The following MAPK14 variants were observed in gnomAD, a reference collection of about 807,000 sequenced individuals.
MAPK14 encodes CSAID-binding protein.
In MAPK14, 16 loss-of-function variants were observed where a neutral mutation model predicts 49.6. The observed-to-expected ratio is 0.32, with a 90% CI of 0.22 to 0.49. MAPK14 has a LOEUF of 0.49. MAPK14 is among the 20% of genes least tolerant of loss of function. The probability of loss-of-function intolerance (pLI) is 0.99; values close to 1 mark genes in which losing one functional copy is unlikely to be tolerated. For missense variants in MAPK14, 200 were observed against 441.2 expected, an observed-to-expected ratio of 0.45 and a Z score of 4.90; for synonymous variants, 142 against 158.0, an observed-to-expected ratio of 0.90 and a Z score of 0.76.
chr6:36,107,709 A>T lies in MAPK14; in HGVS notation c.1015+81A>T. 1 of 1,048,262 alleles carries T rather than the reference A, an allele frequency of 9.5e-7. No individual in the cohort carries two copies. The highest frequency in any genetic ancestry group is 2.1e-5 in the South Asian group (1 of 47,080). The allele number at this position is 1,048,262 out of a possible 1,614,324, so 64.9% of individuals were successfully genotyped here. On this transcript the variant is annotated intron_variant, in intron 11 of 11. Transcript: ENST00000229794. This position sits in a 1 kb window ranked among gnomAD's most constrained non-coding sequence, Gnocchi z 4.3. ...AAATAAAAACTGAATGGTCATAACC[A>T]ACTTGCTAAAGCTTGTAGATGAGGT...
At chr6:36,033,398 C>T (rs1305343881) in intron 1 of MAPK14, among the ~76,000 whole-genome samples, 1 of 151,754 alleles carries the variant, frequency 6.6e-6, no homozygotes, top group Non-Finnish European at 1.5e-5. Flanking sequence ...CTCACGGCAG[C>T]CTCTGCCTCC....
chr6:36,032,421 A>T (rs1309218837), intron 1 of MAPK14, among the ~76,000 whole-genome samples: 1 of 152,206 alleles, frequency 6.6e-6, no homozygotes, highest in Non-Finnish European at 1.5e-5. Flanking sequence ...GTTTAAGAAT[A>T]CATTGTTGCA....
Position 36,107,676 on chromosome 6 carries a change from G to T in MAPK14, c.1015+48G>T. 1.4e-6 allele frequency: 2 copies of T among 1,400,830 alleles called. No individual in the cohort carries two copies. Among genetic ancestry groups the T allele is most frequent in the Non-Finnish European group, 1.9e-6 (2 of 1,050,512 alleles). 86.8% of individuals were successfully genotyped at this position (1,400,830 alleles called of 1,614,324 possible). On this transcript the variant is annotated intron_variant, in intron 11 of 11. Transcript: ENST00000229794. This position sits in a 1 kb window ranked among gnomAD's most constrained non-coding sequence, Gnocchi z 4.3. ...ACATCTTGAACCACTAACCAAAAGCGGTGGGAAAAATAAAAACTGAATGGT... is the reference window on the plus strand; with the variant it reads ...ACATCTTGAACCACTAACCAAAAGCTGTGGGAAAAATAAAAACTGAATGGT...
At chr6:36,031,552 G>A (rs1416419510) in intron 1 of MAPK14, among the ~76,000 whole-genome samples, 1 of 151,618 alleles carries the variant, frequency 6.6e-6, no homozygotes, top group Non-Finnish European at 1.5e-5. Flanking sequence ...ATACAAGTGC[G>A]CAACACCATG....
chr6:36,035,305 G>A (rs1762700057), intron 1 of MAPK14, among the ~76,000 whole-genome samples: 1 of 152,174 alleles, frequency 6.6e-6, no homozygotes, highest in South Asian at 2.1e-4. Context: ...ACTGATCTTT[G>A]ATGTTGCTGT....
At chr6:36,036,610 G>A (rs1762760042) in intron 1 of MAPK14, among the ~76,000 whole-genome samples, 1 of 152,140 alleles carries the variant, frequency 6.6e-6, no homozygotes, top group Non-Finnish European at 1.5e-5. Context: ...ATCACCCTGA[G>A]TAGTCAGCAG....
Position 36,109,076 on chromosome 6 carries a change from G to A in MAPK14, c.*629G>A, listed in dbSNP as rs550193116. ...GTGCCTTAAAAGGAGAGAAGAAAGT[G>A]TAGATAGTTAAAAGACTGCAGCTGC... On this transcript the variant is annotated 3_prime_UTR_variant, in exon 12 of 12. Transcript: ENST00000229794. 1 of 153,060 alleles carries A rather than the reference G, an allele frequency of 6.5e-6. No individual in the cohort carries two copies. The highest frequency in any genetic ancestry group is 6.5e-5 in the Admixed American group (1 of 15,314). 9.5% of individuals were successfully genotyped at this position (153,060 alleles called of 1,614,324 possible). A position where few individuals can be genotyped will look rare whatever the true frequency, so the allele number is the denominator to read the frequency against.
At chr6:36,080,262 A>G (rs951148988) in intron 8 of MAPK14, among the ~76,000 whole-genome samples, 3 of 152,158 alleles carry the variant, frequency 2.0e-5, no homozygotes, top group South Asian at 2.1e-4. Context: ...TAAGTTTACA[A>G]TTCAGCGGCA....
chr6:36,056,675 A>G (rs1025392071), intron 2 of MAPK14, among the ~76,000 whole-genome samples: 11 of 152,368 alleles, frequency 7.2e-5, no homozygotes, highest in Non-Finnish European at 1.0e-4. Context: ...TCAGATCTCT[A>G]ATGATTTAGT....
chr6:36,096,393 C>T, intron 9 of MAPK14: 2 of 222,812 alleles, frequency 9.0e-6, no homozygotes, highest in East Asian at 1.9e-4. Context: ...TGTCTCTGTC[C>T]TCAAGACCTG....
In MAPK14 at chr6:36,102,564, T is replaced by C. The variant is rs767663592; in HGVS notation, c.763-7T>C. 1 of 1,610,692 alleles carries C rather than the reference T, an allele frequency of 6.2e-7. No individual in the cohort carries two copies. The highest frequency in any genetic ancestry group is 8.5e-7 in the Non-Finnish European group (1 of 1,178,474). On this transcript the variant is annotated splice_region_variant and splice_polypyrimidine_tract_variant and intron_variant, in intron 9 of 11. Transcript: ENST00000229794. Reference sequence around the variant, plus strand: ...CAAAGTCATTCTGAAAACCCTTGTTTTTTCAGGCAAGAAACTATATTCAGT... The same window carrying C: ...CAAAGTCATTCTGAAAACCCTTGTTCTTTCAGGCAAGAAACTATATTCAGT...
At chr6:36,067,860 A>G (rs1392607284) in intron 3 of MAPK14, among the ~76,000 whole-genome samples, 3 of 152,102 alleles carry the variant, frequency 2.0e-5, no homozygotes, top group Non-Finnish European at 4.4e-5. Context: ...AGTGCCTACT[A>G]TCTATCAGAC....
At chr6:36,042,674 C>T (rs1264252698) in intron 1 of MAPK14, among the ~76,000 whole-genome samples, 77 of 143,952 alleles carry the variant, frequency 5.3e-4, no homozygotes, top group African/African-American at 1.7e-3. Flanking sequence ...TTTTTTTTTT[C>T]GTAGACACGA....
At chr6:36,088,499 G>C (rs1659535973) in intron 8 of MAPK14, among the ~76,000 whole-genome samples, 1 of 152,122 alleles carries the variant, frequency 6.6e-6, no homozygotes, top group South Asian at 2.1e-4. Context: ...GAGGCAGGTG[G>C]ATCACGAGGT....
chr6:36,112,237 G>C (rs1765988360), downstream of MAPK14, among the ~76,000 whole-genome samples: 1 of 151,956 alleles, frequency 6.6e-6, no homozygotes, highest in Non-Finnish European at 1.5e-5. Context: ...CCGTTGTAGG[G>C]AGTATTTTGC....
At chr6:36,058,983 A>G (rs1763693981) in intron 2 of MAPK14, among the ~76,000 whole-genome samples, 1 of 150,674 alleles carries the variant, frequency 6.6e-6, no homozygotes, top group Admixed American at 6.6e-5. Flanking sequence ...TCCGCTTCCC[A>G]GGTTCAATCA....
chr6:36,038,116 A>T (rs1762821903), intron 1 of MAPK14, among the ~76,000 whole-genome samples: 1 of 152,168 alleles, frequency 6.6e-6, no homozygotes. Context: ...AAATGCAAGA[A>T]GGGAAGGAGA....
rs142815568 is a variant in MAPK14 at position 36,072,682 on chromosome 6, G to A, written c.306-191G>A. ...CGGGAGGCTGAGGCAGGAGAATGGC[G>A]TGAACCTGGGAGGCAGAGGTTGTAG... On this transcript the variant is annotated intron_variant, in intron 3 of 11. Transcript: ENST00000229794. 6.7e-3 allele frequency among the ~76,000 whole-genome samples: 1,025 copies of A among 152,128 alleles called. 9 individuals are homozygous for A. Among genetic ancestry groups the A allele is most frequent in the African/African-American group, 0.023 (974 of 41,496 alleles).
chr6:36,043,010 G>T (rs893324455), intron 1 of MAPK14, among the ~76,000 whole-genome samples: 1 of 152,006 alleles, frequency 6.6e-6, no homozygotes, highest in Non-Finnish European at 1.5e-5. Context: ...AGTAGTAGCA[G>T]CTACTCGGGA....
Sources: allele counts gnomAD v4.1 joint callset (sites outside exome capture counted in the v4.1 genomes callset), GRCh38; gene constraint gnomAD v4.1.1; non-coding constraint Gnocchi (gnomAD v3.1); transcripts MANE v1.5; gene names NCBI Gene and HGNC (gene_info 2026-07-23, HGNC 2026-07-21).